Variants in UBE2L3 observed in about 807,000 individuals in gnomAD.
UBE2L3 encodes the protein ubiquitin-conjugating enzyme E2 L3.
Under a neutral mutation model 17.8 loss-of-function variants are expected in UBE2L3, and 1 was observed. That is an observed-to-expected ratio of 0.06 (90% CI 0.02 to 0.27). The LOEUF (loss-of-function observed/expected upper bound fraction) is 0.27, where lower values mean the gene tolerates loss of function less well. UBE2L3 is among the 10% of genes least tolerant of loss of function. UBE2L3 has a pLI of 1.00. For missense variants in UBE2L3, 40 were observed against 192.6 expected, an observed-to-expected ratio of 0.21 and a Z score of 4.69; for synonymous variants, 44 against 68.5, an observed-to-expected ratio of 0.64 and a Z score of 1.76.
chr22:21,591,042 C>T (rs894220399), intron 1 of UBE2L3, among the ~76,000 whole-genome samples: 4 of 152,190 alleles, frequency 2.6e-5, no homozygotes, highest in African/African-American at 4.8e-5. Context: ...GCCCAGGCTT[C>T]ATAATCCCCA....
chr22:21,610,690 A>C (rs1431986877), intron 2 of UBE2L3, among the ~76,000 whole-genome samples, 167 bp from the exon 3 acceptor site: 1 of 152,238 alleles, frequency 6.6e-6, no homozygotes, highest in Non-Finnish European at 1.5e-5. Context: ...AGCTTGCTCT[A>C]GAAATACTTT....
chr22:21,584,591 C>T (rs1303291994), intron 1 of UBE2L3, among the ~76,000 whole-genome samples: 3 of 151,896 alleles, frequency 2.0e-5, no homozygotes, highest in African/African-American at 4.8e-5. Flanking sequence ...GCAATCCTTC[C>T]GCTTCATTTT....
chr22:21,600,726 C>G (rs1928813633), intron 2 of UBE2L3, among the ~76,000 whole-genome samples: 1 of 151,956 alleles, frequency 6.6e-6, no homozygotes, highest in Non-Finnish European at 1.5e-5. Flanking sequence ...TGCCAAAGAA[C>G]TGTATTATGA....
intron 1 of UBE2L3, among the ~76,000 whole-genome samples, chr22:21,590,688 T>C (rs1406736164): frequency 6.6e-6 from 1 of 152,248 alleles, no homozygotes; most frequent in East Asian, 1.9e-4. Flanking sequence ...TTAAAACATT[T>C]TGTTTGCTAG....
chr22:21,566,308 G>A (rs981318042), upstream of UBE2L3, among the ~76,000 whole-genome samples: 28 of 152,012 alleles, frequency 1.8e-4, no homozygotes, highest in Non-Finnish European at 3.4e-4. Flanking sequence ...CTCAGCCCAG[G>A]TGTGGTGGCT....
chr22:21,584,849 T>G (rs1927851193), intron 1 of UBE2L3, among the ~76,000 whole-genome samples: 3 of 152,058 alleles, frequency 2.0e-5, no homozygotes, highest in African/African-American at 7.2e-5. Context: ...TAGCCCCAGC[T>G]ACTCAGGAGG....
intron 2 of UBE2L3, among the ~76,000 whole-genome samples, chr22:21,598,639 G>T (rs747519743): frequency 6.7e-6 from 1 of 149,572 alleles, no homozygotes; most frequent in Admixed American, 6.7e-5. Flanking sequence ...TGGAAGGATC[G>T]ATTGAGCCTA....
chr22:21,557,135 C>T (rs1926259540), intron 1 of UBE2L3, among the ~76,000 whole-genome samples: 3 of 152,212 alleles, frequency 2.0e-5, no homozygotes, highest in Non-Finnish European at 2.9e-5. Flanking sequence ...GAGGCTGAGA[C>T]GGGCAGATCA....
intron 1 of UBE2L3, among the ~76,000 whole-genome samples, chr22:21,556,434 T>C (rs1415003826): frequency 6.6e-6 from 1 of 152,238 alleles, no homozygotes; most frequent in Non-Finnish European, 1.5e-5. Flanking sequence ...AATTGTTTTA[T>C]CATTTATTTT....
At position 21,621,778 on chromosome 22, in the gene UBE2L3, G is replaced by A. The variant is rs994451348; in HGVS notation, c.*109G>A. ...AAATTGACACGTGCCACCGCCTGGCGTTCGCTTGTGGCAGTTACTAACTTT... is the reference window on the plus strand; with the variant it reads ...AAATTGACACGTGCCACCGCCTGGCATTCGCTTGTGGCAGTTACTAACTTT... On this transcript the variant is annotated 3_prime_UTR_variant, in exon 4 of 4. Transcript: ENST00000342192. 1.5e-5 allele frequency: 12 copies of A among 790,842 alleles called. No individual in the cohort carries two copies. The highest frequency in any genetic ancestry group is 3.5e-5 in the African/African-American group (2 of 56,522). The allele number at this position is 790,842 out of a possible 1,614,324, so 49.0% of individuals were successfully genotyped here. A position where few individuals can be genotyped will look rare whatever the true frequency, so the allele number is the denominator to read the frequency against.
chr22:21,591,490 A>C (rs1928262053), intron 1 of UBE2L3, among the ~76,000 whole-genome samples: 5 of 151,814 alleles, frequency 3.3e-5, no homozygotes, highest in Admixed American at 3.3e-4. Flanking sequence ...CATTCACTGC[A>C]CTCTCCCTCT....
chr22:21,570,481 A>G (rs1418879640), intron 1 of UBE2L3, among the ~76,000 whole-genome samples: 1 of 152,204 alleles, frequency 6.6e-6, no homozygotes, highest in African/African-American at 2.4e-5. Context: ...GGAGTTACCT[A>G]AGGTAGAATT....
chr22:21,585,529 C>G (rs775097733), intron 1 of UBE2L3, among the ~76,000 whole-genome samples: 5 of 152,236 alleles, frequency 3.3e-5, no homozygotes, highest in Non-Finnish European at 5.9e-5. Flanking sequence ...CCATTCGATT[C>G]TCCTCAGCTC....
At position 21,621,730 on chromosome 22, in the gene UBE2L3, C is replaced by A; in HGVS notation, c.*61C>A. 8.0e-7 allele frequency: 1 copy of A among 1,256,510 alleles called. No individual in the cohort carries two copies. Among genetic ancestry groups the A allele is most frequent in the Admixed American group, 2.3e-5 (1 of 42,814 alleles). 77.8% of individuals were successfully genotyped at this position (1,256,510 alleles called of 1,614,324 possible). ...AGACCCCGTGCAGTGCATTCAGACA[C>A]CCCGCAAAGCAGGACTCTGTGGAAA... is the stretch of plus-strand genomic sequence containing the variant. On this transcript the variant is annotated 3_prime_UTR_variant, in exon 4 of 4. Coordinates refer to ENST00000342192, the MANE Select transcript of UBE2L3 (RefSeq NM_003347.4).
intron 1 of UBE2L3, among the ~76,000 whole-genome samples, chr22:21,575,631 CTTTTT>C (rs533923826): frequency 5.4e-5 from 4 of 73,430 alleles, no homozygotes; most frequent in African/African-American, 2.3e-4. Flanking sequence ...AGTTGAATAG[CTTTTT>C]TTTTTTTTTT....
chr22:21,585,290 G>A (rs1927875761), intron 1 of UBE2L3, among the ~76,000 whole-genome samples: 1 of 152,184 alleles, frequency 6.6e-6, no homozygotes, highest in Non-Finnish European at 1.5e-5. Context: ...TGCTGCTAAG[G>A]TTCATGCCTT....
chr22:21,617,144 T>TAAAAA (rs552706292), intron 3 of UBE2L3, among the ~76,000 whole-genome samples: 2 of 110,686 alleles, frequency 1.8e-5, no homozygotes, highest in Non-Finnish European at 3.8e-5. Context: ...AACTCTGTCT[T>TAAAAA]AAAAAAAAAA....
rs550238659 is a variant in UBE2L3 at position 21,608,906 on chromosome 22, T to A, written c.124-1951T>A. ...CCAGTTTGGCAGTTTTGTTTTGTTTTTTTTTTGAGACTCAGTCTCGCTCTT... is the reference window on the plus strand; with the variant it reads ...CCAGTTTGGCAGTTTTGTTTTGTTTATTTTTTGAGACTCAGTCTCGCTCTT... On this transcript the variant is annotated intron_variant, in intron 2 of 3. Transcript: ENST00000342192. Among the ~76,000 whole-genome samples the A allele has an allele frequency of 7.0e-4, 106 of 151,940 alleles. 1 individual carries two copies. Among genetic ancestry groups the A allele is most frequent in the Non-Finnish European group, 1.2e-3 (79 of 67,928 alleles).
At chr22:21,596,979 GT>G (rs1568980859) in intron 2 of UBE2L3, among the ~76,000 whole-genome samples, 1 of 151,630 alleles carries the variant, frequency 6.6e-6, no homozygotes, top group African/African-American at 2.4e-5. Context: ...TGTGTTTTTT[GT>G]TTTTTTGTTT....
Sources: allele counts gnomAD v4.1 joint callset (sites outside exome capture counted in the v4.1 genomes callset), GRCh38; gene constraint gnomAD v4.1.1; transcripts MANE v1.5; gene names NCBI Gene and HGNC (gene_info 2026-07-23, HGNC 2026-07-21).